SLC9A2: variants seen among roughly 807,000 people sequenced by gnomAD.
SLC9A2 encodes the protein sodium/hydrogen exchanger 2.
Under a neutral mutation model 71.7 loss-of-function variants are expected in SLC9A2, and 42 were observed. The ratio of observed to expected loss-of-function variants is 0.59; its 90% CI spans 0.46 to 0.76. The LOEUF is 0.76. Ranked by LOEUF, SLC9A2 falls within the 30% of genes least tolerant of loss-of-function variation. SLC9A2 has a pLI of 0.00. For missense variants in SLC9A2, 829 were observed against 1,017.4 expected (o/e 0.81, Z 2.52); for synonymous variants, 396 against 392.5 (o/e 1.01, Z -0.10).
chr2:102,669,805 A>G (rs956595113), intron 3 of SLC9A2, among the ~76,000 whole-genome samples: 1 of 152,106 alleles, frequency 6.6e-6, no homozygotes, highest in Non-Finnish European at 1.5e-5. Context: ...ACAGAAATCA[A>G]CTTAAGCCAA....
Position 102,702,425 on chromosome 2 carries a change from A to G in SLC9A2, c.1768A>G (p.Ile590Val), listed in dbSNP as rs764942159. The change falls in exon 9 of 12, where the codon ATA (isoleucine) becomes GTA (valine). Residue 590 changes from isoleucine (I) to valine (V), a missense_variant. By Grantham distance (29) the Ile-to-Val change is conservative. Coordinates refer to ENST00000233969, the MANE Select transcript of SLC9A2 (RefSeq NM_003048.6). ...ASLNDCREEK[I>V]RKVTSSETDE... is the part of the protein sequence containing the mutation. ...TCACAGTGATTGTCGTGAAGAAAAA[A>G]TAAGGAAGGTCACGTCCAGTGAAAC... 6.3e-6 allele frequency: 10 copies of G among 1,592,052 alleles called. No individual in the cohort carries two copies. In the East Asian group the frequency reaches 2.3e-4, roughly 36 times the overall value.
At chr2:102,655,465 T>A (rs1055799850) in intron 1 of SLC9A2, among the ~76,000 whole-genome samples, 22 of 152,198 alleles carry the variant, frequency 1.4e-4, no homozygotes, top group African/African-American at 5.3e-4. Flanking sequence ...ATACCCTTAT[T>A]CTGTAAGCTT....
At chr2:102,667,387 T>C (rs1233884312) in intron 3 of SLC9A2, among the ~76,000 whole-genome samples, 3 of 152,134 alleles carry the variant, frequency 2.0e-5, no homozygotes, top group Non-Finnish European at 4.4e-5. Context: ...AGTCTGAGTA[T>C]ATGTAAATGT....
At chr2:102,685,924 T>C (rs74543454) in intron 5 of SLC9A2, among the ~76,000 whole-genome samples, 1,796 of 152,258 alleles carry the variant, frequency 0.012, 32 homozygotes, top group African/African-American at 0.041. Flanking sequence ...AAAATATACA[T>C]TGAAGAGGCT....
intron 9 of SLC9A2, among the ~76,000 whole-genome samples, chr2:102,703,734 G>C (rs1027846905): frequency 6.6e-6 from 1 of 152,144 alleles, no homozygotes; most frequent in Admixed American, 6.5e-5. Context: ...TATTCTATCA[G>C]AAATGAATTT....
intron 1 of SLC9A2, among the ~76,000 whole-genome samples, chr2:102,653,058 A>C (rs1284389372): frequency 6.6e-6 from 1 of 152,240 alleles, no homozygotes; most frequent in Non-Finnish European, 1.5e-5. Context: ...TTACTTTGGT[A>C]GTTCATAAAA....
chr2:102,696,308 C>A (rs1215416188), intron 7 of SLC9A2, among the ~76,000 whole-genome samples: 1 of 152,046 alleles, frequency 6.6e-6, no homozygotes. Context: ...TAAGCTAATC[C>A]CTGAAGACAG....
At chr2:102,665,404 C>T in intron 3 of SLC9A2, 54 bp downstream of exon 3, 1 of 1,509,726 alleles carries the variant, frequency 6.6e-7, no homozygotes, top group Admixed American at 1.9e-5. Flanking sequence ...TGAATGCATG[C>T]ATTCTCAGCC....
At chr2:102,632,520 T>A (rs1278239654) in intron 1 of SLC9A2, among the ~76,000 whole-genome samples, 1 of 152,080 alleles carries the variant, frequency 6.6e-6, no homozygotes, top group Admixed American at 6.6e-5. Context: ...CCTGCAACAG[T>A]CCTGTGCATT....
At chr2:102,697,616 C>T (rs372622296) in intron 7 of SLC9A2, 1 of 147,062 alleles carries the variant, frequency 6.8e-6, no homozygotes, top group African/African-American at 2.5e-5. Context: ...CTTCCCTGCT[C>T]TACCTATGAT....
chr2:102,645,587 C>T (rs1676705362), intron 1 of SLC9A2, among the ~76,000 whole-genome samples: 2 of 150,468 alleles, frequency 1.3e-5, no homozygotes, highest in African/African-American at 4.8e-5. Flanking sequence ...ACTAGAATAA[C>T]CAGTTTAAAG....
chr2:102,658,400 C>T (rs554455647), intron 2 of SLC9A2, among the ~76,000 whole-genome samples: 2 of 151,800 alleles, frequency 1.3e-5, no homozygotes, highest in Non-Finnish European at 2.9e-5. Flanking sequence ...TGATGGTCTT[C>T]GATCATAACT....
chr2:102,671,381 G>A (rs1034329603), intron 3 of SLC9A2, among the ~76,000 whole-genome samples: 1 of 152,174 alleles, frequency 6.6e-6, no homozygotes, highest in Non-Finnish European at 1.5e-5. Context: ...GGGAAAGGTA[G>A]TAAAATGATG....
At chr2:102,645,819 ATGAT>A (rs1292728587) in intron 1 of SLC9A2, among the ~76,000 whole-genome samples, 2 of 152,180 alleles carry the variant, frequency 1.3e-5, no homozygotes, top group Admixed American at 1.3e-4. Context: ...GACCAAACCT[ATGAT>A]TGATTGGTGT....
chr2:102,666,043 C>T (rs978923868), intron 3 of SLC9A2, among the ~76,000 whole-genome samples: 1 of 152,002 alleles, frequency 6.6e-6, no homozygotes, highest in Admixed American at 6.6e-5. Flanking sequence ...TCCCAAGCTG[C>T]TCTTGGAGTT....
intron 7 of SLC9A2, among the ~76,000 whole-genome samples, chr2:102,696,576 T>C (rs1677773317): frequency 6.6e-6 from 1 of 152,114 alleles, no homozygotes; most frequent in East Asian, 1.9e-4. Context: ...AACAAAACCG[T>C]CACACAGCAA....
rs1323698197 is a variant in SLC9A2, at chr2:102,705,867, T to C, written c.1999T>C (p.Tyr667His). The C allele has an allele frequency of 6.2e-7, 1 of 1,602,820 alleles. No homozygotes were observed. Among genetic ancestry groups the C allele is most frequent in the Non-Finnish European group, 8.5e-7 (1 of 1,174,358 alleles). ...ACAGGCTTCCACTTCAACCTCCCGA[T>C]ATTTATCCTTACCTAAAAATACGAA... ...EHRASTSTSR[Y>H]LSLPKNTKLP... The change falls in exon 11 of 12, where the codon TAT becomes CAT. Residue 667 changes from tyrosine (Y) to histidine (H), a missense_variant. Around this residue, in one of 3 missense-constraint regions of SLC9A2, gnomAD observed 223 missense variants for 197.5 expected, o/e 1.13. Transcript: ENST00000233969.
In SLC9A2 at chr2:102,621,666, C is replaced by A. The variant is rs764776444; in HGVS notation, c.289+1529C>A. Among the ~76,000 whole-genome samples the A allele has an allele frequency of 1.0e-3, 153 of 152,302 alleles. 1 individual carries two copies. The Middle Eastern group carries it at 0.01, about 10-fold the overall frequency. On this transcript the variant is annotated intron_variant, in intron 1 of 11. Transcript: ENST00000233969. ...AAAGAATGAAAAGACGCATTGTCTG[C>A]CATCCTCAGGGAGCTTACTGATGAG...
intron 1 of SLC9A2, among the ~76,000 whole-genome samples, chr2:102,630,567 T>C (rs1676337320): frequency 6.6e-6 from 1 of 152,054 alleles, no homozygotes. Context: ...GAACTTGTTA[T>C]ACTTCCATGC....
Sources: allele counts gnomAD v4.1 joint callset (sites outside exome capture counted in the v4.1 genomes callset), GRCh38; gene constraint gnomAD v4.1.1; regional missense constraint gnomAD v4.1.1; transcripts MANE v1.5; gene names NCBI Gene and HGNC (gene_info 2026-07-23, HGNC 2026-07-21).